The following CEP170B variants were observed in gnomAD, a reference collection of about 807,000 sequenced individuals.
CEP170B encodes the protein centrosomal protein of 170 kDa protein B.
CEP170B carries 55 observed loss-of-function variants against 120.6 expected under a neutral mutation model. The observed-to-expected ratio is 0.46, with a 90% CI of 0.37 to 0.57. The LOEUF (loss-of-function observed/expected upper bound fraction) is 0.57, where lower values mean the gene tolerates loss of function less well. Ranked by LOEUF, CEP170B falls within the 20% of genes least tolerant of loss-of-function variation. The pLI is 0.00. For synonymous variants in CEP170B, 1,033 were observed against 954.5 expected (o/e 1.08, Z -1.52); for missense variants, 2,212 against 2,253.3 (o/e 0.98, Z 0.37).
intron 9 of CEP170B, 64 bp from the exon 10 acceptor site, chr14:104,885,305 C>T: frequency 6.8e-7 from 1 of 1,462,812 alleles, no homozygotes; most frequent in Non-Finnish European, 9.1e-7. Context: ...TGGCCAGTGT[C>T]AGTGGAGGGT....
intron 12 of CEP170B, among the ~76,000 whole-genome samples, chr14:104,888,391 C>T (rs1473048183): frequency 6.6e-6 from 1 of 152,238 alleles, no homozygotes. Flanking sequence ...GGATCTCTGC[C>T]GCAGTACTGT....
chr14:104,874,947 C>T (rs776531306), intron 2 of CEP170B, among the ~76,000 whole-genome samples: 13 of 152,250 alleles, frequency 8.5e-5, no homozygotes, highest in Non-Finnish European at 1.3e-4. Context: ...GCCATCAGAG[C>T]CCTTGCCCCC....
rs1351342205 is a variant in CEP170B at position 104,870,164 on chromosome 14, C to G, written c.105+1609C>G. ...GGACCACAAAGTATCCACTGCAGCC[C>G]AGGCCTGTGGCCGTGGTGAGGGGCA... On this transcript the variant is annotated intron_variant, in intron 2 of 18. Coordinates refer to ENST00000414716, the MANE Select transcript of CEP170B (RefSeq NM_001112726.3). The surrounding 1 kb of genome is among the most constrained non-coding windows in gnomAD (Gnocchi z 4.1). 1.3e-5 allele frequency among the ~76,000 whole-genome samples: 2 copies of G among 152,190 alleles called. No individual in the cohort carries two copies. The highest frequency in any genetic ancestry group is 2.9e-5 in the Non-Finnish European group (2 of 68,030).
intron 12 of CEP170B, 101 bp from the exon 13 acceptor site, chr14:104,889,519 G>C: frequency 6.3e-7 from 1 of 1,581,490 alleles, no homozygotes. Context: ...ACCAAGACAC[G>C]AGGCGCCGGC....
chr14:104,890,157 GATGC>G (rs1212503258), intron 13 of CEP170B, among the ~76,000 whole-genome samples: 1 of 88,170 alleles, frequency 1.1e-5, no homozygotes, highest in African/African-American at 5.0e-5. Flanking sequence ...TGGATGGATG[GATGC>G]ATGGATGGAT....
rs1456818244 is a variant in CEP170B at position 104,885,441 on chromosome 14, G to T, written c.1843G>T (p.Asp615Tyr). The T allele has an allele frequency of 6.4e-7, 1 of 1,564,638 alleles. No homozygotes were observed. The highest frequency in any genetic ancestry group is 1.9e-5 in the Admixed American group (1 of 52,588). The change falls in exon 10 of 19, where the codon GAC becomes TAC. Residue 615 changes from aspartate to tyrosine, a missense_variant. Physicochemically the swap from Asp to Tyr is radical, Grantham distance 160. This residue lies in a region of CEP170B where 2,166 missense variants were observed against 2,166.7 expected (regional missense o/e 1.00). Coordinates refer to ENST00000414716, the MANE Select transcript of CEP170B (RefSeq NM_001112726.3). Reference sequence around the variant, plus strand: ...CACCTTTCGCCCAGTCATCAGAGGGGACAGAGATGAGTCTGATGACGGGGG... The same window carrying T: ...CACCTTTCGCCCAGTCATCAGAGGGTACAGAGATGAGTCTGATGACGGGGG... The part of the protein sequence containing the change: ...SATFRPVIRG[D>Y]RDESDDGGVA...
Position 104,891,435 on chromosome 14 carries a change from G to A in CEP170B, c.3879-1541G>A, listed in dbSNP as rs1012290115. Reference sequence around the variant, plus strand: ...TGGAAGGAGGTGGCCAGGAGCAGGCGGCCCTTAGAGAGTGGCCCACACTGG... The same window carrying A: ...TGGAAGGAGGTGGCCAGGAGCAGGCAGCCCTTAGAGAGTGGCCCACACTGG... On this transcript the variant is annotated intron_variant, in intron 13 of 18. Coordinates refer to ENST00000414716, the MANE Select transcript of CEP170B (RefSeq NM_001112726.3). This position sits in a 1 kb window ranked among gnomAD's most constrained non-coding sequence, Gnocchi z 4.3. 6.6e-6 allele frequency among the ~76,000 whole-genome samples: 1 copy of A among 152,242 alleles called. No individual in the cohort carries two copies. Among genetic ancestry groups the A allele is most frequent in the East Asian group, 1.9e-4 (1 of 5,182 alleles).
chr14:104,872,432 T>TGG (rs1396525983), intron 2 of CEP170B, among the ~76,000 whole-genome samples: 11,531 of 67,962 alleles, frequency 0.17, 2,574 homozygotes, highest in Middle Eastern at 0.41. Context: ...GCCGTGCGTG[T>TGG]GTGCGTGTGT....
rs922297829 is a variant in CEP170B, at chr14:104,865,818, A to G, written c.-28+305A>G. The stretch of plus-strand genomic sequence containing the variant: ...GGCCGCCCCCGGAGAGCGCTGATTC[A>G]GAAGGCGCCGCTCCCTCCCCCGCCG... On this transcript the variant is annotated intron_variant, in intron 1 of 18. Coordinates refer to ENST00000414716, the MANE Select transcript of CEP170B (RefSeq NM_001112726.3). The surrounding 1 kb of genome is among the most constrained non-coding windows in gnomAD (Gnocchi z 6.7). Among the ~76,000 whole-genome samples, 4 of 151,732 alleles carry G rather than the reference A, an allele frequency of 2.6e-5. No individual in the cohort carries two copies. Among genetic ancestry groups the G allele is most frequent in the Admixed American group, 2.0e-4 (3 of 15,274 alleles).
Position 104,883,426 on chromosome 14 carries a change from G to C in CEP170B, c.969G>C (p.Pro323=). The change falls in exon 8 of 19, where the codon CCG becomes CCC. Residue 323 remains proline (P), a synonymous_variant. Coordinates refer to ENST00000414716, the MANE Select transcript of CEP170B (RefSeq NM_001112726.3). Reference sequence around the variant, plus strand: ...CCGACTGGCTGGTGCAGAATGACCCGAGCCTGCTGCACCGGGTTGGCCCTG... The same window carrying C: ...CCGACTGGCTGGTGCAGAATGACCCCAGCCTGCTGCACCGGGTTGGCCCTG... ...KVADWLVQND[P]SLLHRVGPGD... is the part of the protein sequence containing the mutation. 1 of 1,571,582 alleles carries C rather than the reference G, an allele frequency of 6.4e-7. No individual in the cohort carries two copies. Among genetic ancestry groups the C allele is most frequent in the South Asian group, 1.2e-5 (1 of 85,930 alleles).
In CEP170B at chr14:104,872,164, C is replaced by G. The variant is rs1895526306; in HGVS notation, c.105+3609C>G. On this transcript the variant is annotated intron_variant, in intron 2 of 18. Coordinates refer to ENST00000414716, the MANE Select transcript of CEP170B (RefSeq NM_001112726.3). ...GTGTGCCGTGTGTGTGCGTGTGTGCCGCGTGTGTGTGCGTGTGTGTGCTGT... is the reference window on the plus strand; with the variant it reads ...GTGTGCCGTGTGTGTGCGTGTGTGCGGCGTGTGTGTGCGTGTGTGTGCTGT... Among the ~76,000 whole-genome samples, 3 of 110,672 alleles carry G rather than the reference C, an allele frequency of 2.7e-5. No homozygotes were observed. In the South Asian group the frequency reaches 9.2e-4, roughly 34 times the overall value. The allele number at this position is 110,672 out of a possible 152,430, so 72.6% of individuals were successfully genotyped here.
chr14:104,867,581 G>C lies in CEP170B; in HGVS notation c.-27-843G>C, dbSNP rs1231333427. 6.6e-6 allele frequency among the ~76,000 whole-genome samples: 1 copy of C among 152,118 alleles called. No homozygotes were observed. The highest frequency in any genetic ancestry group is 1.5e-5 in the Non-Finnish European group (1 of 68,006). ...TGCTGGCATGCTCCGGGCTTGCAGG[G>C]TGCATGCTGGCTGGGTATAGGGCTG... On this transcript the variant is annotated intron_variant, in intron 1 of 18. Transcript: ENST00000414716. This position sits in a 1 kb window ranked among gnomAD's most constrained non-coding sequence, Gnocchi z 5.4.
Position 104,878,520 on chromosome 14 carries a change from C to G in CEP170B, c.333+19C>G. 1 of 1,608,628 alleles carries G rather than the reference C, an allele frequency of 6.2e-7. No homozygotes were observed. The highest frequency in any genetic ancestry group is 1.1e-5 in the South Asian group (1 of 91,036). On this transcript the variant is annotated intron_variant, in intron 5 of 18. Coordinates refer to ENST00000414716, the MANE Select transcript of CEP170B (RefSeq NM_001112726.3). ...ACTCAAGGTTAGTGCTGGCCAAGCC[C>G]GGGTGGCTCAGCCACGAGGGCTCAG...
rs1402584387 is a variant in CEP170B at position 104,896,680 on chromosome 14, G to A, written c.*1722G>A. The A allele has an allele frequency of 2.2e-6, 1 of 455,920 alleles. No homozygotes were observed. The highest frequency in any genetic ancestry group is 4.4e-6 in the Non-Finnish European group (1 of 226,886). 28.2% of individuals were successfully genotyped at this position (455,920 alleles called of 1,614,324 possible). A position where few individuals can be genotyped will look rare whatever the true frequency, so the allele number is the denominator to read the frequency against. On this transcript the variant is annotated 3_prime_UTR_variant, in exon 19 of 19. Coordinates refer to ENST00000414716, the MANE Select transcript of CEP170B (RefSeq NM_001112726.3). ...CAGGTGGTCTTGTGGCTGTCTTTCG[G>A]AAAATGGTTATTTTATATGATTTGT...
Position 104,884,423 on chromosome 14 carries a change from G to T in CEP170B, c.1644G>T (p.Thr548=), listed in dbSNP as rs982768113. Residue 548 remains threonine, a synonymous_variant, in exon 9 of 19, where the codon ACG becomes ACT. Transcript: ENST00000414716. ...VGPPTPPPAP[T]DPQLTKARKQ... ...CCCCGACCCCACCGCCCGCCCCCAC[G>T]GACCCCCAGCTGACCAAGGCACGGA... 1 of 1,094,198 alleles carries T rather than the reference G, an allele frequency of 9.1e-7. No homozygotes were observed. The allele number at this position is 1,094,198 out of a possible 1,614,324, so 67.8% of individuals were successfully genotyped here. A position where few individuals can be genotyped will look rare whatever the true frequency, so the allele number is the denominator to read the frequency against.
rs1897017948 is a variant in CEP170B at position 104,895,035 on chromosome 14, GCC to G, written c.*78_*79del. 1.4e-6 allele frequency: 2 copies of G among 1,430,958 alleles called. No homozygotes were observed. Among genetic ancestry groups the G allele is most frequent in the Non-Finnish European group, 1.9e-6 (2 of 1,079,420 alleles). 88.6% of individuals were successfully genotyped at this position (1,430,958 alleles called of 1,614,324 possible). Reference sequence around the variant, plus strand: ...CGTCCGCCGCACACCCGCCTGCCTGGCCGCAGGTGGTTCTCCCTGAAGACCCC... The same window carrying G: ...CGTCCGCCGCACACCCGCCTGCCTGGGCAGGTGGTTCTCCCTGAAGACCCC... On this transcript the variant is annotated 3_prime_UTR_variant, in exon 19 of 19. Transcript: ENST00000414716.
chr14:104,884,640 G>T (rs12892011), intron 9 of CEP170B, 91 bp downstream of exon 9: 4 of 1,144,322 alleles, frequency 3.5e-6, no homozygotes, highest in Middle Eastern at 2.9e-4. Context: ...CGTGGGGAAC[G>T]GGGGGTGGAG....
chr14:104,884,976 G>A (rs1432782648), intron 9 of CEP170B, among the ~76,000 whole-genome samples: 12 of 124,408 alleles, frequency 9.6e-5, no homozygotes, highest in Non-Finnish European at 2.1e-4. Context: ...CGGGGGTGGC[G>A]AGTGAGAGCC....
intron 3 of CEP170B, among the ~76,000 whole-genome samples, chr14:104,876,694 C>T (rs975550595): frequency 4.6e-5 from 7 of 152,168 alleles, no homozygotes; most frequent in East Asian, 1.9e-4. Context: ...GGTCTCAGGC[C>T]GCCAAGGATC....
Sources: allele counts gnomAD v4.1 joint callset (sites outside exome capture counted in the v4.1 genomes callset), GRCh38; gene constraint gnomAD v4.1.1; regional missense constraint gnomAD v4.1.1; non-coding constraint Gnocchi (gnomAD v3.1); transcripts MANE v1.5; gene names NCBI Gene and HGNC (gene_info 2026-07-23, HGNC 2026-07-21).